EFCC1: variants seen among roughly 807,000 people sequenced by gnomAD.
EFCC1 encodes the protein EF-hand and coiled-coil domain-containing protein 1.
In EFCC1, 50 loss-of-function variants were observed where a neutral mutation model predicts 52.1. The observed-to-expected ratio is 0.96, with a 90% CI of 0.76 to 1.21. The LOEUF is 1.21. Ranked by LOEUF, EFCC1 falls within the 50% of genes most tolerant of loss-of-function variation. EFCC1 has a pLI of 0.00. For synonymous variants in EFCC1, 399 were observed against 396.5 expected (o/e 1.01, Z -0.08); for missense variants, 837 against 867.3 (o/e 0.97, Z 0.44).
At chr3:129,009,782 G>C (rs1445454861) in intron 2 of EFCC1, among the ~76,000 whole-genome samples, 1 of 152,202 alleles carries the variant, frequency 6.6e-6, no homozygotes, top group African/African-American at 2.4e-5. Context: ...GAAGCCCCGG[G>C]AGGAAACCTG....
chr3:129,025,646 A>T (rs1946073297), intron 2 of EFCC1, among the ~76,000 whole-genome samples: 1 of 152,152 alleles, frequency 6.6e-6, no homozygotes, highest in African/African-American at 2.4e-5. Context: ...CTATTATAGC[A>T]TGTGAGTGTG....
At chr3:129,020,978 G>C (rs375207643) in intron 2 of EFCC1, among the ~76,000 whole-genome samples, 2 of 152,368 alleles carry the variant, frequency 1.3e-5, no homozygotes, top group East Asian at 1.9e-4. Flanking sequence ...CCTCATGAGA[G>C]CTGGGAGGGG....
At chr3:129,009,057 G>A (rs1945201185) in intron 2 of EFCC1, among the ~76,000 whole-genome samples, 1 of 152,114 alleles carries the variant, frequency 6.6e-6, no homozygotes, top group Non-Finnish European at 1.5e-5. Context: ...ACAGCTTCAT[G>A]TGGAAAATTT....
chr3:129,002,690 T>C (rs1576689043), intron 1 of EFCC1: 1 of 259,346 alleles, frequency 3.9e-6, no homozygotes, highest in East Asian at 7.5e-5. Context: ...CTCTCCTTCC[T>C]GCCAGGCTTC....
At position 129,039,712 on chromosome 3, in the gene EFCC1, A is replaced by G. The variant is rs1344441801; in HGVS notation, c.1664A>G (p.Glu555Gly). 1 of 1,594,608 alleles carries G rather than the reference A, an allele frequency of 6.3e-7. No homozygotes were observed. Among genetic ancestry groups the G allele is most frequent in the Admixed American group, 1.7e-5 (1 of 58,618 alleles). The change falls in exon 8 of 8, where the codon GAG (glutamate) becomes GGG (glycine). Residue 555 changes from glutamate (E) to glycine (G), a missense_variant and splice_region_variant. Physicochemically the swap from Glu to Gly is moderately conservative, Grantham distance 98 (BLOSUM62 -2). Transcript: ENST00000683648. ...TLDAFRDPTH[E>G]GRPSPAAILD... ...CTCCCTGCCTGCTGTTTCCCTCCAG[A>G]GGGAAGGCCCAGCCCTGCAGCCATC...
At chr3:129,002,675 T>C in intron 1 of EFCC1, 1 of 297,498 alleles carries the variant, frequency 3.4e-6, no homozygotes. Context: ...AACAAGCATC[T>C]TTCTCTCTCC....
intron 3 of EFCC1, among the ~76,000 whole-genome samples, chr3:129,032,569 G>T (rs1013070934): frequency 9.9e-5 from 15 of 152,056 alleles, no homozygotes; most frequent in Non-Finnish European, 1.8e-4. Flanking sequence ...TTCTCCCCAT[G>T]TCCCTGTGTA....
At chr3:129,013,523 C>T (rs1342783602) in intron 2 of EFCC1, among the ~76,000 whole-genome samples, 3 of 152,204 alleles carry the variant, frequency 2.0e-5, no homozygotes, top group African/African-American at 7.2e-5. Flanking sequence ...ACATTCTTCC[C>T]ATAAGGTAGC....
intron 2 of EFCC1, among the ~76,000 whole-genome samples, chr3:129,020,234 CAG>C (rs1428506145): frequency 2.0e-5 from 3 of 152,122 alleles, no homozygotes; most frequent in African/African-American, 7.2e-5. Context: ...AAGCTGTAAA[CAG>C]AGTGTGGGAG....
At chr3:129,005,496 T>G (rs1380449415) in intron 2 of EFCC1, among the ~76,000 whole-genome samples, 1 of 152,218 alleles carries the variant, frequency 6.6e-6, no homozygotes, top group African/African-American at 2.4e-5. Flanking sequence ...AGAAAGAACA[T>G]GAAACCATGG....
At chr3:129,022,895 G>A (rs971556842) in intron 2 of EFCC1, among the ~76,000 whole-genome samples, 1 of 152,246 alleles carries the variant, frequency 6.6e-6, no homozygotes, top group East Asian at 1.9e-4. Flanking sequence ...TTGGGCCTTT[G>A]CCATACTTTT....
At chr3:129,037,227 GT>G in intron 6 of EFCC1, 110 bp downstream of exon 6, 5 of 1,380,054 alleles carry the variant, frequency 3.6e-6, no homozygotes, top group Non-Finnish European at 4.7e-6. Flanking sequence ...GTAGGCAGCT[GT>G]TATCCCATTT....
rs760784880 is a variant in EFCC1 at position 129,036,977 on chromosome 3, G to A, written c.1453G>A (p.Ala485Thr). 4.3e-6 allele frequency: 7 copies of A among 1,613,722 alleles called. No individual in the cohort carries two copies. In the East Asian group the frequency reaches 6.7e-5, roughly 15 times the overall value. Reference sequence around the variant, plus strand: ...AGCACTGAGCCCCTTCTCTTCCCAGGCAGAGTTGCAGCAGAAGGTGGAAGA... The same window carrying A: ...AGCACTGAGCCCCTTCTCTTCCCAGACAGAGTTGCAGCAGAAGGTGGAAGA... ...GRTLGTSEEE[A>T]ELQQKVEENE... The change falls in exon 6 of 8, where the codon GCA becomes ACA. Residue 485 changes from alanine to threonine, a missense_variant and splice_region_variant. Coordinates refer to ENST00000683648, the MANE Select transcript of EFCC1 (RefSeq NM_001377500.1).
At chr3:129,022,869 G>C (rs529844225) in intron 2 of EFCC1, among the ~76,000 whole-genome samples, 1 of 152,360 alleles carries the variant, frequency 6.6e-6, no homozygotes, top group African/African-American at 2.4e-5. Context: ...GGGCCGGAAA[G>C]CACAGGGCAG....
rs1226979433 is a variant in EFCC1 at position 129,004,002 on chromosome 3, T to C, written c.905T>C (p.Leu302Pro). 2 of 1,505,116 alleles carry C rather than the reference T, an allele frequency of 1.3e-6. No homozygotes were observed. Among genetic ancestry groups the C allele is most frequent in the African/African-American group, 2.9e-5 (2 of 69,282 alleles). 93.2% of individuals were successfully genotyped at this position (1,505,116 alleles called of 1,614,324 possible). Residue 302 changes from leucine to proline, a missense_variant, in exon 2 of 8, where the codon CTG becomes CCG. By Grantham distance (98) the Leu-to-Pro change is moderately conservative. Coordinates refer to ENST00000683648, the MANE Select transcript of EFCC1 (RefSeq NM_001377500.1). Reference sequence around the variant, plus strand: ...CGCAGCCTGCACCGCGTGCGAGAGCTGGAGGCGCTGGCGCAACAGGTGCCC... The same window carrying C: ...CGCAGCCTGCACCGCGTGCGAGAGCCGGAGGCGCTGGCGCAACAGGTGCCC... ...VLRSLHRVRE[L>P]EALAQQVPGL...
chr3:129,003,743 T>C (rs1174019681), intron 1 of EFCC1, 51 bp from the exon 2 acceptor site: 3 of 1,313,810 alleles, frequency 2.3e-6, no homozygotes, highest in Non-Finnish European at 2.9e-6. Flanking sequence ...GTTCGTCTGG[T>C]GCATCTGGCT....
In EFCC1 at chr3:129,002,021, GGCGCTGCGC is replaced by G; in HGVS notation, c.396_404del (p.Leu133_Ala135del). The G allele has an allele frequency of 6.5e-7, 1 of 1,544,924 alleles. No homozygotes were observed. Among genetic ancestry groups the G allele is most frequent in the Non-Finnish European group, 8.7e-7 (1 of 1,144,884 alleles). ...CAGATACCGATGAAGAGGCGCGCCTGGCGCTGCGCGCCGAGCCGCCGGAGCTCACCTTCC... is the reference window on the plus strand; with the variant it reads ...CAGATACCGATGAAGAGGCGCGCCTGGCCGAGCCGCCGGAGCTCACCTTCC... On this transcript the variant is annotated inframe_deletion, in exon 1 of 8. Transcript: ENST00000683648.
In EFCC1 at chr3:129,002,179, G is replaced by A. The variant is rs1283073900; in HGVS notation, c.551G>A (p.Arg184His). 1.3e-6 allele frequency: 2 copies of A among 1,489,102 alleles called. No homozygotes were observed. The highest frequency in any genetic ancestry group is 1.3e-5 in the South Asian group (1 of 77,462). The allele number at this position is 1,489,102 out of a possible 1,614,324, so 92.2% of individuals were successfully genotyped here. A position where few individuals can be genotyped will look rare whatever the true frequency, so the allele number is the denominator to read the frequency against. The change falls in exon 1 of 8, where the codon CGC (arginine) becomes CAC (histidine). Residue 184 changes from arginine to histidine, a missense_variant. Coordinates refer to ENST00000683648, the MANE Select transcript of EFCC1 (RefSeq NM_001377500.1). ...CTGCGCCGTCCGCGCCGCCGCCGCCGCCCGCCCTGCGCGCCTGGCCCCGAC... is the reference window on the plus strand; with the variant it reads ...CTGCGCCGTCCGCGCCGCCGCCGCCACCCGCCCTGCGCGCCTGGCCCCGAC... ...IRLRRPRRRRRPPCAPGPDSG... is the reference protein window; with the variant it reads ...IRLRRPRRRRHPPCAPGPDSG...
rs1405460606 is a variant in EFCC1, at chr3:129,032,845, G to A, written c.1165G>A (p.Val389Met). ...AGTGGACGAGCAGCTGTTCCGCTCC[G>A]TGGAGGGCCAGGCCGCCTCTGACGA... ...EAVDEQLFRS[V>M]EGQAASDEEE... The change falls in exon 4 of 8, where the codon GTG (valine) becomes ATG (methionine). Residue 389 changes from valine to methionine, a missense_variant. Val to Met is a conservative substitution (Grantham distance 21). Coordinates refer to ENST00000683648, the MANE Select transcript of EFCC1 (RefSeq NM_001377500.1). The A allele has an allele frequency of 3.9e-6, 6 of 1,551,328 alleles. No homozygotes were observed. Among genetic ancestry groups the A allele is most frequent in the African/African-American group, 1.4e-5 (1 of 73,054 alleles).
Sources: gnomAD v4.1 joint callset for allele counts (sites outside exome capture counted in the v4.1 genomes callset) on GRCh38, gnomAD v4.1.1 for gene constraint, MANE v1.5 for transcripts, NCBI Gene and HGNC (gene_info 2026-07-23, HGNC 2026-07-21) for gene names.